Variants in GRIK1 observed in about 807,000 individuals in gnomAD.
GRIK1 encodes glutamate ionotropic receptor kainate type subunit 1.
Under a neutral mutation model 105.7 loss-of-function variants are expected in GRIK1, and 69 were observed. The observed-to-expected ratio is 0.65, with a 90% CI of 0.54 to 0.80. The LOEUF (loss-of-function observed/expected upper bound fraction) is 0.80, where lower values mean the gene tolerates loss of function less well. Among genes scored for constraint, GRIK1 ranks in the 30% least tolerant of loss-of-function variants. The pLI is 0.00. For missense variants in GRIK1, 1,109 were observed against 1,167.3 expected (o/e 0.95, Z 0.73); for synonymous variants, 438 against 431.3 (o/e 1.02, Z -0.19).
chr21:29,735,825 C>T (rs926490271), intron 1 of GRIK1, among the ~76,000 whole-genome samples: 1 of 126,336 alleles, frequency 7.9e-6, no homozygotes, highest in Non-Finnish European at 1.6e-5. Flanking sequence ...CCAGCCTGGG[C>T]GACAGAGTGA....
At chr21:29,748,224 A>C in intron 1 of GRIK1, 1 of 152,234 alleles carries the variant, frequency 6.6e-6, no homozygotes, top group East Asian at 1.9e-4. Context: ...AGCTTGTCCA[A>C]GTCAGTTTCA....
intron 1 of GRIK1, among the ~76,000 whole-genome samples, chr21:29,848,779 A>ATATATATATATATATT: frequency 3.0e-4 from 23 of 77,866 alleles, no homozygotes; most frequent in South Asian, 5.4e-4. Context: ...ATATATATAT[A>ATATATATATATATATT]TTTTTTTTTT....
chr21:29,758,092 G>C (rs1431962917), intron 1 of GRIK1, among the ~76,000 whole-genome samples: 1 of 152,182 alleles, frequency 6.6e-6, no homozygotes, highest in South Asian at 2.1e-4. Flanking sequence ...TCAGCTACTG[G>C]AGCCACATTC....
At chr21:29,909,106 T>G (rs2070733701) in intron 1 of GRIK1, among the ~76,000 whole-genome samples, 1 of 152,140 alleles carries the variant, frequency 6.6e-6, no homozygotes, top group South Asian at 2.1e-4. Context: ...TCAAAGAAAT[T>G]TTTATTTAAC....
chr21:29,636,333 C>T (rs1332157474), intron 7 of GRIK1, among the ~76,000 whole-genome samples: 9 of 152,182 alleles, frequency 5.9e-5, no homozygotes, highest in Non-Finnish European at 8.8e-5. Flanking sequence ...CTTAAGTCAA[C>T]AAAAAAGTCA....
intron 4 of GRIK1, among the ~76,000 whole-genome samples, chr21:29,670,399 C>CTTCTGT (rs551283419): frequency 5.3e-4 from 80 of 152,302 alleles, no homozygotes; most frequent in African/African-American, 1.9e-3. Flanking sequence ...GGATATTTTG[C>CTTCTGT]TTTTGTTTTT....
chr21:29,767,735 T>G (rs1405912045), intron 1 of GRIK1, among the ~76,000 whole-genome samples: 1 of 152,160 alleles, frequency 6.6e-6, no homozygotes, highest in Non-Finnish European at 1.5e-5. Flanking sequence ...TAGACTTGCC[T>G]TTGAGTCAGA....
intron 1 of GRIK1, among the ~76,000 whole-genome samples, chr21:29,866,214 C>T (rs531174692): frequency 1.3e-5 from 2 of 152,158 alleles, no homozygotes; most frequent in South Asian, 4.2e-4. Flanking sequence ...TAGGCAAACA[C>T]AGTAGGTGGT....
intron 1 of GRIK1, among the ~76,000 whole-genome samples, chr21:29,814,453 C>T (rs2067099380): frequency 1.3e-5 from 2 of 152,098 alleles, no homozygotes; most frequent in East Asian, 3.9e-4. Flanking sequence ...CTACTGTTCC[C>T]ACGAGCCAGG....
intron 1 of GRIK1, among the ~76,000 whole-genome samples, chr21:29,728,394 G>T (rs1029207482): frequency 6.6e-6 from 1 of 152,112 alleles, no homozygotes; most frequent in Non-Finnish European, 1.5e-5. Context: ...GACGTGAAGG[G>T]GGATAGGGCC....
At chr21:29,598,388 TTCTG>T (rs1236712832) in intron 8 of GRIK1, among the ~76,000 whole-genome samples, 1 of 152,210 alleles carries the variant, frequency 6.6e-6, no homozygotes, top group Non-Finnish European at 1.5e-5. Flanking sequence ...TCCTACTTTA[TTCTG>T]TCTGTCACCA....
chr21:29,891,074 G>GTTCATGCCTCAGTGGAC (rs2069879502), intron 1 of GRIK1, among the ~76,000 whole-genome samples: 3 of 152,124 alleles, frequency 2.0e-5, no homozygotes, highest in Non-Finnish European at 4.4e-5. Context: ...TTAATTGAAT[G>GTTCATGCCTCAGTGGAC]TTCATGCCTC....
chr21:29,750,412 G>C (rs931997735), intron 1 of GRIK1, among the ~76,000 whole-genome samples: 6 of 152,156 alleles, frequency 3.9e-5, no homozygotes, highest in African/African-American at 1.4e-4. Flanking sequence ...AGAGCTCTGG[G>C]TCAACAGTGA....
intron 1 of GRIK1, among the ~76,000 whole-genome samples, chr21:29,829,068 T>A (rs1005146184): frequency 1.2e-4 from 19 of 152,144 alleles, no homozygotes; most frequent in Non-Finnish European, 2.1e-4. Flanking sequence ...TTTGAACGCC[T>A]TTCCAATGTA....
chr21:29,609,593 T>A (rs557725897), intron 7 of GRIK1, among the ~76,000 whole-genome samples: 1 of 152,308 alleles, frequency 6.6e-6, no homozygotes, highest in South Asian at 2.1e-4. Context: ...CAGTCCAATC[T>A]GTTGAGGGTC....
At chr21:29,890,690 A>G (rs564628580) in intron 1 of GRIK1, among the ~76,000 whole-genome samples, 1 of 152,296 alleles carries the variant, frequency 6.6e-6, no homozygotes, top group Admixed American at 6.5e-5. Context: ...ATCTGGTCAA[A>G]GTCATCAGGT....
At chr21:29,605,222 C>T (rs190818118) in intron 7 of GRIK1, among the ~76,000 whole-genome samples, 4 of 152,202 alleles carry the variant, frequency 2.6e-5, no homozygotes, top group Admixed American at 1.3e-4. Context: ...CTCCCCTGTC[C>T]GCATCTCTGA....
intron 1 of GRIK1, among the ~76,000 whole-genome samples, chr21:29,886,455 A>T (rs1601943959): frequency 6.6e-6 from 1 of 152,156 alleles, no homozygotes; most frequent in East Asian, 1.9e-4. Context: ...CCACCAGCAC[A>T]CTTCTGTCAG....
chr21:29,792,988 C>T (rs2066464264), intron 1 of GRIK1, among the ~76,000 whole-genome samples: 2 of 152,114 alleles, frequency 1.3e-5, no homozygotes, highest in Non-Finnish European at 2.9e-5. Context: ...TATTTAATGT[C>T]ACTATTTTCT....
Sources: allele counts gnomAD v4.1 joint callset (sites outside exome capture counted in the v4.1 genomes callset), GRCh38; gene constraint gnomAD v4.1.1; transcripts MANE v1.5; gene names NCBI Gene and HGNC (gene_info 2026-07-23, HGNC 2026-07-21).